The following PCDH7 variants were observed in gnomAD, a reference collection of about 807,000 sequenced individuals.
PCDH7 encodes the protein protocadherin 7.
Under a neutral mutation model 58.9 loss-of-function variants are expected in PCDH7, and 17 were observed. The observed-to-expected ratio is 0.29, with a 90% CI of 0.20 to 0.43. The LOEUF (loss-of-function observed/expected upper bound fraction) is 0.43, where lower values mean the gene tolerates loss of function less well. Ranked by LOEUF, PCDH7 falls within the 20% of genes least tolerant of loss-of-function variation. PCDH7 has a pLI of 1.00. For missense variants in PCDH7, 1,274 were observed against 1,441.0 expected, an observed-to-expected ratio of 0.88 and a Z score of 1.88; for synonymous variants, 664 against 616.4, an observed-to-expected ratio of 1.08 and a Z score of -1.14.
At chr4:30,965,859 A>C (rs1748949495) in intron 3 of PCDH7, among the ~76,000 whole-genome samples, 1 of 152,258 alleles carries the variant, frequency 6.6e-6, no homozygotes, top group Admixed American at 6.5e-5. Context: ...GCATTTTCCT[A>C]TGTGCAGAAG....
intron 2 of PCDH7, among the ~76,000 whole-genome samples, chr4:30,931,016 A>C (rs1200107659): frequency 1.3e-5 from 2 of 152,216 alleles, no homozygotes; most frequent in Non-Finnish European, 2.9e-5. Context: ...TGAAGAAGTT[A>C]GCATTGGGAA....
intron 3 of PCDH7, among the ~76,000 whole-genome samples, chr4:31,080,341 T>C (rs1015812359): frequency 6.6e-6 from 1 of 152,136 alleles, no homozygotes; most frequent in Non-Finnish European, 1.5e-5. Flanking sequence ...AATTGATTTT[T>C]AAAAATAATA....
chr4:31,040,697 A>G (rs1445263142), intron 3 of PCDH7, among the ~76,000 whole-genome samples: 2 of 152,180 alleles, frequency 1.3e-5, no homozygotes, highest in African/African-American at 4.8e-5. Flanking sequence ...CACATGTTAA[A>G]CCAACTTCAA....
At chr4:31,138,213 A>G (rs1235839453) in intron 3 of PCDH7, among the ~76,000 whole-genome samples, 2 of 152,096 alleles carry the variant, frequency 1.3e-5, no homozygotes, top group African/African-American at 4.8e-5. Flanking sequence ...TCTGCCCACC[A>G]CCCATCCATC....
At chr4:30,789,575 G>C (rs1314233299) in intron 1 of PCDH7, among the ~76,000 whole-genome samples, 1 of 152,160 alleles carries the variant, frequency 6.6e-6, no homozygotes, top group Admixed American at 6.6e-5. Flanking sequence ...GGAACCAGTA[G>C]GAAGCAAAAT....
chr4:31,063,842 G>A (rs979576093), intron 3 of PCDH7, among the ~76,000 whole-genome samples: 2 of 151,878 alleles, frequency 1.3e-5, no homozygotes, highest in African/African-American at 4.8e-5. Flanking sequence ...CTCAATGAGG[G>A]TCAGTTTTTA....
intron 1 of PCDH7, among the ~76,000 whole-genome samples, chr4:30,763,717 C>G (rs1017904239): frequency 2.0e-5 from 3 of 152,180 alleles, no homozygotes; most frequent in Non-Finnish European, 4.4e-5. Flanking sequence ...GTCTCAATAT[C>G]TTAAGCTACC....
intron 3 of PCDH7, among the ~76,000 whole-genome samples, chr4:31,036,089 C>G (rs1288968671): frequency 6.6e-6 from 1 of 152,186 alleles, no homozygotes; most frequent in African/African-American, 2.4e-5. Context: ...GTGTTTTACA[C>G]AAAATGTGAA....
rs1347602999 is a variant in PCDH7, at chr4:31,067,639, T to C, written c.*8-74834T>C. Among the ~76,000 whole-genome samples the C allele has an allele frequency of 1.8e-4, 27 of 151,898 alleles. No individual in the cohort carries two copies. The Admixed American group carries it at 1.8e-3, about 10-fold the overall frequency. On this transcript the variant is annotated intron_variant, in intron 3 of 3. Coordinates refer to the PCDH7 transcript ENST00000509759. ...ATCAAGGGACCAGGAAGAATATAAA[T>C]ATATGAAATGAGTAAGAAGTAAAAT...
At position 30,721,375 on chromosome 4, in the gene PCDH7, C is replaced by T; in HGVS notation, c.-48C>T. 2 of 1,428,020 alleles carry T rather than the reference C, an allele frequency of 1.4e-6. No individual in the cohort carries two copies. The highest frequency in any genetic ancestry group is 1.4e-5 in the African/African-American group (1 of 69,270). The allele number at this position is 1,428,020 out of a possible 1,614,324, so 88.5% of individuals were successfully genotyped here. On this transcript the variant is annotated 5_prime_UTR_variant, in exon 1 of 2. Coordinates refer to ENST00000361762, the Ensembl canonical transcript of PCDH7. The surrounding 1 kb of genome is among the most constrained non-coding windows in gnomAD (Gnocchi z 6.7). ...GGCCGGCCCCGGAGGAGGGGGGCGCCGAGGGGGCTGTGGTTAGAAGGAGCA... is the reference window on the plus strand; with the variant it reads ...GGCCGGCCCCGGAGGAGGGGGGCGCTGAGGGGGCTGTGGTTAGAAGGAGCA...
intron 3 of PCDH7, among the ~76,000 whole-genome samples, chr4:31,031,153 G>T (rs921004471): frequency 2.0e-5 from 3 of 152,144 alleles, no homozygotes; most frequent in Non-Finnish European, 4.4e-5. Flanking sequence ...AGATGGTTAA[G>T]ATTTTATCAA....
chr4:31,114,024 G>A (rs917119897), intron 3 of PCDH7, among the ~76,000 whole-genome samples: 2 of 151,800 alleles, frequency 1.3e-5, no homozygotes, highest in African/African-American at 4.8e-5. Context: ...AGTAGAGACT[G>A]GGTTTCACCA....
chr4:30,817,907 A>AT (rs1290003421), intron 1 of PCDH7, among the ~76,000 whole-genome samples: 2 of 151,992 alleles, frequency 1.3e-5, no homozygotes, highest in Non-Finnish European at 2.9e-5. Flanking sequence ...GCCTCCAGAG[A>AT]TTTTTTTCAT....
At chr4:30,887,515 C>T (rs1737981526) in intron 1 of PCDH7, among the ~76,000 whole-genome samples, 2 of 152,130 alleles carry the variant, frequency 1.3e-5, no homozygotes, top group South Asian at 2.1e-4. Flanking sequence ...TGGAGGGCTA[C>T]AGCAAAAGGT....
chr4:31,052,714 C>T (rs1429353223), intron 3 of PCDH7, among the ~76,000 whole-genome samples: 1 of 152,116 alleles, frequency 6.6e-6, no homozygotes, highest in Non-Finnish European at 1.5e-5. Flanking sequence ...TGACACACAG[C>T]AAGCTTTGTT....
At chr4:30,964,640 A>T (rs12509224) in intron 3 of PCDH7, among the ~76,000 whole-genome samples, 1 of 148,896 alleles carries the variant, frequency 6.7e-6, no homozygotes, top group African/African-American at 2.5e-5. Context: ...AACCTCCCTG[A>T]GGGCAGAAAT....
intron 3 of PCDH7, among the ~76,000 whole-genome samples, chr4:31,005,333 G>A (rs1752683265): frequency 6.6e-6 from 1 of 152,120 alleles, no homozygotes; most frequent in Non-Finnish European, 1.5e-5. Context: ...AAAGTGATGT[G>A]GAAGGAAGGA....
rs193147573 is a variant in PCDH7 at position 30,966,761 on chromosome 4, T to A, written c.*7+16546T>A. Among the ~76,000 whole-genome samples the A allele has an allele frequency of 2.0e-5, 3 of 152,220 alleles. No individual in the cohort carries two copies. In the East Asian group the frequency reaches 5.8e-4, roughly 29 times the overall value. On this transcript the variant is annotated intron_variant, in intron 3 of 3. Transcript: ENST00000509759. ...TTGTTGCAAATAGGGAACAAAACTC[T>A]CCTCAGACCATGCATCAAATTAGTG...
At chr4:30,726,914 C>T (rs1241898732) in intron 1 of PCDH7, among the ~76,000 whole-genome samples, 2 of 151,766 alleles carry the variant, frequency 1.3e-5, no homozygotes, top group Non-Finnish European at 3.0e-5. Flanking sequence ...CCTTTTTGTT[C>T]TGCTTTTTGT....
Sources: allele counts gnomAD v4.1 joint callset (sites outside exome capture counted in the v4.1 genomes callset), GRCh38; gene constraint gnomAD v4.1.1; non-coding constraint Gnocchi (gnomAD v3.1); transcripts MANE v1.5; gene names NCBI Gene and HGNC (gene_info 2026-07-23, HGNC 2026-07-21).